PTPRG: variants seen among roughly 807,000 people sequenced by gnomAD.
PTPRG encodes the protein receptor-type tyrosine-protein phosphatase gamma.
In PTPRG, 102 loss-of-function variants were observed where a neutral mutation model predicts 165.3. That is an observed-to-expected ratio of 0.62 (90% CI 0.53 to 0.73). PTPRG has a LOEUF of 0.73. Among genes scored for constraint, PTPRG ranks in the 30% least tolerant of loss-of-function variants. The pLI is 0.00. For missense variants in PTPRG, 1,866 were observed against 1,861.4 expected (o/e 1.00, Z -0.05); for synonymous variants, 675 against 669.5 (o/e 1.01, Z -0.13).
rs1701931812 is a variant in PTPRG, at chr3:62,267,810, A to G, written c.2865A>G (p.Glu955=). 1 of 1,612,594 alleles carries G rather than the reference A, an allele frequency of 6.2e-7. No homozygotes were observed. The highest frequency in any genetic ancestry group is 8.5e-7 in the Non-Finnish European group (1 of 1,179,272). Reference sequence around the variant, plus strand: ...TTGTGATGATTACGAACCTTGTGGAAAAAGGAAGAGTAAGAGCCTTTTGAC... The same window carrying G: ...TTGTGATGATTACGAACCTTGTGGAGAAAGGAAGAGTAAGAGCCTTTTGAC... ...GIIVMITNLV[E]KGRRKCDQYW... Residue 955 remains glutamate, a synonymous_variant, in exon 19 of 30, where the codon GAA becomes GAG. Coordinates refer to ENST00000474889, the MANE Select transcript of PTPRG (RefSeq NM_002841.4).
At chr3:61,871,805 G>A (rs1260651316) in intron 2 of PTPRG, among the ~76,000 whole-genome samples, 3 of 152,152 alleles carry the variant, frequency 2.0e-5, no homozygotes, top group Non-Finnish European at 2.9e-5. Context: ...CAGGCAACAC[G>A]GCCTGCTTGC....
intron 6 of PTPRG, among the ~76,000 whole-genome samples, chr3:62,156,090 A>G (rs558328612): frequency 1.3e-5 from 2 of 152,344 alleles, no homozygotes; most frequent in East Asian, 3.9e-4. Context: ...GCTTGGAAGA[A>G]TTATAAGATA....
chr3:61,981,578 A>G (rs950488095), intron 2 of PTPRG, among the ~76,000 whole-genome samples: 8 of 152,210 alleles, frequency 5.3e-5, no homozygotes, highest in African/African-American at 4.8e-5. Context: ...ACTGTTGGAC[A>G]TGCTGTTGGT....
chr3:62,211,308 A>G lies in PTPRG; in HGVS notation c.2155+7358A>G, dbSNP rs150324422. On this transcript the variant is annotated intron_variant, in intron 12 of 29. Coordinates refer to ENST00000474889, the MANE Select transcript of PTPRG (RefSeq NM_002841.4). ...CCTATATCTAGCATAGTCAAACTCA[A>G]AGAAACAAAGTAGAATGGTGGTTGC... is the stretch of plus-strand genomic sequence containing the variant. Among the ~76,000 whole-genome samples the G allele has an allele frequency of 3.0e-4, 45 of 152,326 alleles. 1 individual carries two copies. The East Asian group carries it at 6.6e-3, about 22-fold the overall frequency.
chr3:61,667,838 C>T (rs968463602), intron 1 of PTPRG, among the ~76,000 whole-genome samples: 3 of 151,586 alleles, frequency 2.0e-5, no homozygotes, highest in South Asian at 4.2e-4. Context: ...CTTTTAAGTC[C>T]ATTCTGCTGA....
chr3:62,097,667 C>G (rs1285208613), intron 5 of PTPRG, among the ~76,000 whole-genome samples: 3 of 152,186 alleles, frequency 2.0e-5, no homozygotes, highest in Non-Finnish European at 4.4e-5. Flanking sequence ...ATCTAGCATA[C>G]TTATAAAATA....
chr3:62,138,041 C>T (rs925981606), intron 6 of PTPRG, among the ~76,000 whole-genome samples: 5 of 152,210 alleles, frequency 3.3e-5, no homozygotes, highest in Admixed American at 3.3e-4. Flanking sequence ...CTTCAAGGCT[C>T]TCTTCTCTTT....
At chr3:61,730,814 G>A (rs913329728) in intron 1 of PTPRG, among the ~76,000 whole-genome samples, 16 of 152,326 alleles carry the variant, frequency 1.1e-4, no homozygotes, top group African/African-American at 3.6e-4. Context: ...GAGAAAGGGA[G>A]AGTAAACTTT....
intron 8 of PTPRG, among the ~76,000 whole-genome samples, chr3:62,181,871 A>C (rs895210473): frequency 6.6e-6 from 1 of 152,196 alleles, no homozygotes; most frequent in African/African-American, 2.4e-5. Context: ...AAATTTTGAA[A>C]TGCAACTGAG....
intron 5 of PTPRG, among the ~76,000 whole-genome samples, chr3:62,088,437 C>A (rs565879410): frequency 6.6e-6 from 1 of 152,314 alleles, no homozygotes; most frequent in Admixed American, 6.5e-5. Flanking sequence ...TAATCCCAGT[C>A]CTAAGAACTC....
At chr3:61,957,353 T>G (rs559950757) in intron 2 of PTPRG, among the ~76,000 whole-genome samples, 5 of 152,254 alleles carry the variant, frequency 3.3e-5, no homozygotes, top group Non-Finnish European at 5.9e-5. Flanking sequence ...AGTTTTTATA[T>G]GCTTTTTAGT....
rs1247111884 is a variant in PTPRG, at chr3:62,254,533, T to C, written c.2468-591T>C. Among the ~76,000 whole-genome samples, 1 of 152,196 alleles carries C rather than the reference T, an allele frequency of 6.6e-6. No individual in the cohort carries two copies. The highest frequency in any genetic ancestry group is 1.9e-4 in the East Asian group (1 of 5,200). On this transcript the variant is annotated intron_variant, in intron 15 of 29. Coordinates refer to ENST00000474889, the MANE Select transcript of PTPRG (RefSeq NM_002841.4). The surrounding 1 kb of genome is among the most constrained non-coding windows in gnomAD (Gnocchi z 4.6). ...AATCCAGTTAATTCAGTCAAACTGA[T>C]TATTTGGCATCATGTAGACACAGCT...
intron 5 of PTPRG, among the ~76,000 whole-genome samples, chr3:62,086,177 T>A (rs1218753274): frequency 6.6e-6 from 1 of 152,178 alleles, no homozygotes; most frequent in Non-Finnish European, 1.5e-5. Context: ...TCCTTTTATT[T>A]ATGGTGACCT....
At chr3:61,988,497 C>G (rs1459618560) in intron 2 of PTPRG, among the ~76,000 whole-genome samples, 1 of 152,084 alleles carries the variant, frequency 6.6e-6, no homozygotes, top group Non-Finnish European at 1.5e-5. Context: ...GACTTACCTA[C>G]TAATAAACTA....
rs375921404 is a variant in PTPRG at position 62,195,328 on chromosome 3, T to A, written c.1327+158T>A. Among the ~76,000 whole-genome samples, 1 of 152,162 alleles carries A rather than the reference T, an allele frequency of 6.6e-6. No individual in the cohort carries two copies. The highest frequency in any genetic ancestry group is 1.5e-5 in the Non-Finnish European group (1 of 68,026). On this transcript the variant is annotated intron_variant, in intron 10 of 29. Transcript: ENST00000474889. This position sits in a 1 kb window ranked among gnomAD's most constrained non-coding sequence, Gnocchi z 4.4. ...GCCTATGCGGGAAGCCCTAGTAATT[T>A]AGGTCTTTTAGGTTGGAGGTTTTAT...
chr3:61,725,764 C>T (rs2032232748), intron 1 of PTPRG, among the ~76,000 whole-genome samples: 1 of 149,872 alleles, frequency 6.7e-6, no homozygotes, highest in Non-Finnish European at 1.5e-5. Context: ...CAAATGACCA[C>T]AGCACTCCCT....
At chr3:62,095,714 T>C (rs957358865) in intron 5 of PTPRG, among the ~76,000 whole-genome samples, 2 of 152,074 alleles carry the variant, frequency 1.3e-5, no homozygotes, top group South Asian at 4.1e-4. Context: ...AAAAAGACAT[T>C]GATTGCTTTG....
chr3:61,956,390 A>G (rs1242994290), intron 2 of PTPRG, among the ~76,000 whole-genome samples: 1 of 150,832 alleles, frequency 6.6e-6, no homozygotes, highest in East Asian at 2.0e-4. Flanking sequence ...TCGGCAGCAG[A>G]ATCATTTCAC....
intron 2 of PTPRG, among the ~76,000 whole-genome samples, chr3:61,913,499 G>A (rs1279007597): frequency 1.3e-5 from 2 of 152,292 alleles, no homozygotes; most frequent in African/African-American, 2.4e-5. Context: ...GATTACAGGC[G>A]TGAGCCACCG....
Sources: gnomAD v4.1 joint callset for allele counts (sites outside exome capture counted in the v4.1 genomes callset) on GRCh38, gnomAD v4.1.1 for gene constraint, Gnocchi (gnomAD v3.1) non-coding constraint, MANE v1.5 for transcripts, NCBI Gene and HGNC (gene_info 2026-07-23, HGNC 2026-07-21) for gene names.